The following CA5B variants were observed in gnomAD, a reference collection of about 807,000 sequenced individuals.
CA5B encodes the protein carbonic anhydrase 5B, mitochondrial.
Under a neutral mutation model 23.1 loss-of-function variants are expected in CA5B, and 15 were observed. The observed-to-expected ratio is 0.65, with a 90% confidence interval of 0.43 to 1.00. The LOEUF is 1.00. Ranked by LOEUF, CA5B falls within the 50% of genes least tolerant of loss-of-function variation. The pLI is 0.00. For missense variants in CA5B, 236 were observed against 252.2 expected (o/e 0.94, Z 0.43); for synonymous variants, 84 against 98.5 (o/e 0.85, Z 0.87).
Position 15,753,632 on chromosome X carries a change from G to C in CA5B, c.142+3467G>C, listed in dbSNP as rs185337237. Among the ~76,000 whole-genome samples, 388 of 112,574 alleles carry C rather than the reference G, an allele frequency of 3.4e-3. 3 individuals are homozygous for C. Among genetic ancestry groups the C allele is most frequent in the African/African-American group, 0.012 (363 of 31,027 alleles). On this transcript the variant is annotated intron_variant, in intron 2 of 7. Coordinates refer to ENST00000318636, the MANE Select transcript of CA5B (RefSeq NM_007220.4). ...AGAAATATATTTTGGGGTAAGGCTG[G>C]GTACAGTGACTCATGCCTGTAATCC...
intron 6 of CA5B, among the ~76,000 whole-genome samples, chrX:15,776,488 T>G (rs188725798): frequency 9.0e-6 from 1 of 111,720 alleles, no homozygotes; most frequent in African/African-American, 3.2e-5. Flanking sequence ...GTTTTGGCCG[T>G]TTTCCCACAG....
At chrX:15,771,683 C>G (rs2147266082) in intron 3 of CA5B, among the ~76,000 whole-genome samples, 1 of 109,001 alleles carries the variant, frequency 9.2e-6, no homozygotes, top group South Asian at 4.1e-4. Context: ...GATGAGCCAC[C>G]CGCTTCAGCC....
At chrX:15,781,926 A>C (rs111281752) in intron 7 of CA5B, among the ~76,000 whole-genome samples, 1,105 of 36,281 alleles carry the variant, frequency 0.03, 12 homozygotes, top group African/African-American at 0.096. Flanking sequence ...TTTAAAAAAA[A>C]CAAAAAAAAA....
intron 3 of CA5B, chrX:15,768,857 C>T (rs1428208503): frequency 8.9e-6 from 1 of 111,885 alleles, no homozygotes; most frequent in Admixed American, 9.6e-5. Flanking sequence ...AGACAAAACC[C>T]TAAGAAATGC....
chrX:15,738,553 C>G (rs1460125874), intron 1 of CA5B, among the ~76,000 whole-genome samples: 1 of 111,031 alleles, frequency 9.0e-6, no homozygotes, highest in Non-Finnish European at 1.9e-5. Context: ...CGAACTCCCC[C>G]ACCCCAGCCC....
chrX:15,769,999 C>T (rs1172705415), intron 3 of CA5B, among the ~76,000 whole-genome samples: 5 of 111,969 alleles, frequency 4.5e-5, no homozygotes, highest in African/African-American at 1.3e-4. Context: ...TTAATCCTTT[C>T]TCATCTTAGA....
At chrX:15,757,388 T>C (rs1175433266) in intron 2 of CA5B, among the ~76,000 whole-genome samples, 1 of 111,287 alleles carries the variant, frequency 9.0e-6, no homozygotes, top group East Asian at 2.8e-4. Context: ...TTATGGTGGG[T>C]GCCTGTAGTC....
At chrX:15,780,999 A>G (rs1196130069) in intron 7 of CA5B, among the ~76,000 whole-genome samples, 3 of 105,908 alleles carry the variant, frequency 2.8e-5, no homozygotes, top group Non-Finnish European at 5.8e-5. Context: ...TTTTTTTGAC[A>G]TGGAGTTTCA....
chrX:15,743,440 C>T (rs1931161857), intron 1 of CA5B, among the ~76,000 whole-genome samples: 1 of 112,260 alleles, frequency 8.9e-6, no homozygotes, highest in Admixed American at 9.5e-5. Context: ...ATGTGAGCTC[C>T]ATAAGGGTAA....
intron 2 of CA5B, among the ~76,000 whole-genome samples, chrX:15,754,113 A>G (rs1310888338): frequency 9.0e-6 from 1 of 111,520 alleles, no homozygotes; most frequent in Non-Finnish European, 1.9e-5. Flanking sequence ...GTATATAATG[A>G]GGCATGCCCA....
intron 2 of CA5B, among the ~76,000 whole-genome samples, chrX:15,757,564 C>T (rs776984448): frequency 9.1e-6 from 1 of 109,543 alleles, no homozygotes; most frequent in African/African-American, 3.3e-5. Flanking sequence ...AAAAATTAGC[C>T]GGGCATGGTG....
At chrX:15,763,052 C>T in intron 2 of CA5B, 1 of 238,610 alleles carries the variant, frequency 4.2e-6, no homozygotes, top group Non-Finnish European at 7.9e-6. Context: ...CTCCACATCC[C>T]TGTGACACAC....
intron 2 of CA5B, among the ~76,000 whole-genome samples, chrX:15,758,744 T>C (rs1188319144): frequency 1.8e-5 from 2 of 111,345 alleles, no homozygotes; most frequent in Non-Finnish European, 3.8e-5. Flanking sequence ...CTGACCTCAA[T>C]TGATCTGCCC....
intron 1 of CA5B, among the ~76,000 whole-genome samples, chrX:15,742,907 T>A (rs1204626773): frequency 8.9e-6 from 1 of 112,157 alleles, no homozygotes; most frequent in African/African-American, 3.2e-5. Context: ...CCAGTACCGA[T>A]GCTCCTAAAC....
intron 4 of CA5B, 90 bp from the exon 5 acceptor site, chrX:15,774,212 T>C: frequency 1.1e-6 from 1 of 904,885 alleles, no homozygotes. Flanking sequence ...AGGAAACATG[T>C]TTAAATGTCA....
At chrX:15,740,547 G>C (rs760188100) in intron 1 of CA5B, among the ~76,000 whole-genome samples, 11 of 112,388 alleles carry the variant, frequency 9.8e-5, no homozygotes, top group Non-Finnish European at 2.1e-4. Flanking sequence ...GATCTTCCAA[G>C]CTCTGCGCCT....
chrX:15,781,112 G>C (rs1314017607), intron 7 of CA5B, among the ~76,000 whole-genome samples: 5 of 110,395 alleles, frequency 4.5e-5, no homozygotes, highest in Non-Finnish European at 9.5e-5. Context: ...TCAGTAGCTG[G>C]GATTACAGGC....
intron 1 of CA5B, among the ~76,000 whole-genome samples, chrX:15,740,286 A>T (rs1931092185): frequency 8.9e-6 from 1 of 112,435 alleles, no homozygotes; most frequent in Admixed American, 9.4e-5. Flanking sequence ...ACAGTAATGT[A>T]TGGTATTAGT....
At chrX:15,746,511 C>T (rs1164621165) in intron 1 of CA5B, among the ~76,000 whole-genome samples, 2 of 111,774 alleles carry the variant, frequency 1.8e-5, no homozygotes, top group Non-Finnish European at 3.8e-5. Flanking sequence ...AGAAAGACCA[C>T]GGGGCATTGT....
Sources: allele counts gnomAD v4.1 joint callset (sites outside exome capture counted in the v4.1 genomes callset), GRCh38; gene constraint gnomAD v4.1.1; transcripts MANE v1.5; gene names NCBI Gene and HGNC (gene_info 2026-07-23, HGNC 2026-07-21).